The following POU2AF1 variants were observed in gnomAD, a reference collection of about 807,000 sequenced individuals.
The protein encoded by POU2AF1 is POU class 2 homeobox associating factor 1, also known as POU domain class 2-associating factor 1.
A neutral mutation model predicts 26.3 loss-of-function variants in POU2AF1; 12 were observed. The ratio of observed to expected loss-of-function variants is 0.46; its 90% CI spans 0.29 to 0.74. The LOEUF is 0.74. Ranked by LOEUF, POU2AF1 falls within the 30% of genes least tolerant of loss-of-function variation. The probability of loss-of-function intolerance (pLI) is 0.09; values close to 1 mark genes in which losing one functional copy is unlikely to be tolerated. For missense variants in POU2AF1, 297 were observed against 334.5 expected (o/e 0.89, Z 0.87); for synonymous variants, 175 against 148.0 (o/e 1.18, Z -1.32).
chr11:111,379,128 G>A lies in POU2AF1; in HGVS notation c.16+34C>T, dbSNP rs1435490815. 6 of 1,613,558 alleles carry A rather than the reference G, an allele frequency of 3.7e-6. No individual in the cohort carries two copies. The East Asian group carries it at 8.9e-5, about 24-fold the overall frequency. On this transcript the variant is annotated intron_variant, in intron 1 of 4. Transcript: ENST00000393067. ...TGATCGCCCTGCCCCGCTGGCACTC[G>A]CTTGGGTCTGACAGCCACAGCCAAA...
chr11:111,374,367 T>C (rs1405840145), intron 1 of POU2AF1, among the ~76,000 whole-genome samples: 1 of 152,206 alleles, frequency 6.6e-6, no homozygotes, highest in African/African-American at 2.4e-5. Flanking sequence ...TGAATTTGTG[T>C]CTCTCTTTTG....
At chr11:111,372,396 C>T (rs1237642021) in intron 1 of POU2AF1, among the ~76,000 whole-genome samples, 1 of 121,808 alleles carries the variant, frequency 8.2e-6, no homozygotes, top group African/African-American at 2.9e-5. Context: ...ATGGTATGAA[C>T]TACCATCTGC....
chr11:111,358,228 C>A (rs115441253), intron 2 of POU2AF1, among the ~76,000 whole-genome samples: 126 of 151,878 alleles, frequency 8.3e-4, no homozygotes, highest in Non-Finnish European at 1.5e-3. Context: ...GGGACCTGCG[C>A]TCCTTCCTGC....
intron 1 of POU2AF1, among the ~76,000 whole-genome samples, chr11:111,370,329 T>C (rs4405350): frequency 0.99 from 150,720 of 152,294 alleles, 74,606 homozygotes; most frequent in East Asian, 1. Context: ...GGAATTTACC[T>C]CCTCTTTATT....
intron 1 of POU2AF1, among the ~76,000 whole-genome samples, 167 bp from the exon 2 acceptor site, chr11:111,359,085 C>A (rs571474183): frequency 1.3e-5 from 2 of 152,330 alleles, no homozygotes; most frequent in African/African-American, 4.8e-5. Flanking sequence ...TCCTCCTACT[C>A]CCAAACCTTC....
At chr11:111,357,885 C>T (rs1289890324) in intron 2 of POU2AF1, 48 bp from the exon 3 acceptor site, 1 of 1,545,586 alleles carries the variant, frequency 6.5e-7, no homozygotes, top group Non-Finnish European at 8.7e-7. Flanking sequence ...CCCTCGTCAA[C>T]CGGCCCTGTG....
intron 1 of POU2AF1, among the ~76,000 whole-genome samples, chr11:111,367,100 G>A (rs1355071139): frequency 6.6e-6 from 1 of 152,140 alleles, no homozygotes; most frequent in Non-Finnish European, 1.5e-5. Context: ...TTTCCACGTG[G>A]CAGTGGCCCT....
At position 111,358,811 on chromosome 11, in the gene POU2AF1, C is replaced by A. The variant is rs1332633100; in HGVS notation, c.124G>T (p.Gly42Trp). 2.6e-5 allele frequency: 41 copies of A among 1,603,590 alleles called. No individual in the cohort carries two copies. The highest frequency in any genetic ancestry group is 5.3e-5 in the African/African-American group (4 of 74,796). ...LRRKRGHASSGAAPAPTAVVL... is the reference protein window; with the variant it reads ...LRRKRGHASSWAAPAPTAVVL... ...ACCGCCGTAGGTGCAGGTGCTGCCC[C>A]ACTGCTGGCGTGGCCTCGCTTCCTC... Residue 42 changes from glycine (G) to tryptophan (W), a missense_variant, in exon 2 of 5, where the codon GGG (glycine) becomes TGG (tryptophan). Physicochemically the swap from Gly to Trp is radical, Grantham distance 184. Transcript: ENST00000393067.
chr11:111,366,952 GACCACC>G (rs1861116952), intron 1 of POU2AF1, among the ~76,000 whole-genome samples: 1 of 152,106 alleles, frequency 6.6e-6, no homozygotes, highest in Non-Finnish European at 1.5e-5. Flanking sequence ...ACCCACAGAA[GACCACC>G]CTTCTCCACC....
At chr11:111,376,765 C>T (rs778445357) in intron 1 of POU2AF1, among the ~76,000 whole-genome samples, 4 of 152,148 alleles carry the variant, frequency 2.6e-5, no homozygotes, top group Non-Finnish European at 4.4e-5. Flanking sequence ...GCCCTTCCAT[C>T]GGGTGACTCT....
chr11:111,367,117 C>T (rs1473242169), intron 1 of POU2AF1, among the ~76,000 whole-genome samples: 2 of 152,176 alleles, frequency 1.3e-5, no homozygotes, highest in African/African-American at 2.4e-5. Flanking sequence ...CCCTCTAACC[C>T]TTCCCTCACA....
At chr11:111,363,564 G>A (rs760965931) in intron 1 of POU2AF1, 47 of 789,916 alleles carry the variant, frequency 6.0e-5, no homozygotes, top group Admixed American at 1.2e-4. Context: ...AATCACGGTT[G>A]CCTCACCTTG....
intron 1 of POU2AF1, among the ~76,000 whole-genome samples, chr11:111,371,653 A>C (rs942853875): frequency 1.4e-4 from 21 of 152,206 alleles, no homozygotes; most frequent in Non-Finnish European, 3.1e-4. Flanking sequence ...ATTGTAATCT[A>C]AAATTAGCCG....
At position 111,353,597 on chromosome 11, in the gene POU2AF1, A is replaced by C. The variant is rs1482547516; in HGVS notation, c.*664T>G. ...AACTGTGGGAACTGACAGCTCAAGGACTCTGGCATCAGGGTAGGCCCTTGG... is the reference window on the plus strand; with the variant it reads ...AACTGTGGGAACTGACAGCTCAAGGCCTCTGGCATCAGGGTAGGCCCTTGG... On this transcript the variant is annotated 3_prime_UTR_variant, in exon 5 of 5. Transcript: ENST00000393067. 1 of 233,268 alleles carries C rather than the reference A, an allele frequency of 4.3e-6. No individual in the cohort carries two copies. The highest frequency in any genetic ancestry group is 8.5e-6 in the Non-Finnish European group (1 of 118,254). 14.4% of individuals were successfully genotyped at this position (233,268 alleles called of 1,614,324 possible).
rs1860760579 is a variant in POU2AF1 at position 111,352,993 on chromosome 11, A to AGAG, written c.*1267_*1268insCTC. 1.4e-5 allele frequency: 1 copy of AGAG among 71,054 alleles called. No individual in the cohort carries two copies. Among genetic ancestry groups the AGAG allele is most frequent in the East Asian group, 1.8e-4 (1 of 5,500 alleles). 4.4% of individuals were successfully genotyped at this position (71,054 alleles called of 1,614,324 possible). On this transcript the variant is annotated 3_prime_UTR_variant, in exon 5 of 5. Coordinates refer to ENST00000393067, the MANE Select transcript of POU2AF1 (RefSeq NM_006235.3). ...AGGAAGGAAGGAAGGAAGGAAGGAA[A>AGAG]GAAGGAAGGAAGGAAGGAAGGAAGG...
At chr11:111,362,746 T>C (rs1021279638) in intron 1 of POU2AF1, among the ~76,000 whole-genome samples, 2 of 150,334 alleles carry the variant, frequency 1.3e-5, no homozygotes, top group Admixed American at 6.7e-5. Flanking sequence ...CAAGAGAAAT[T>C]TGGGAAATGG....
intron 1 of POU2AF1, among the ~76,000 whole-genome samples, chr11:111,370,069 G>T (rs1247615195): frequency 6.6e-6 from 1 of 152,168 alleles, no homozygotes; most frequent in Non-Finnish European, 1.5e-5. Context: ...TTTGTATTTG[G>T]GGTCAGACCC....
chr11:111,355,059 C>T (rs1308257521), intron 4 of POU2AF1, among the ~76,000 whole-genome samples: 2 of 152,218 alleles, frequency 1.3e-5, no homozygotes. Context: ...ACAGTCCGGG[C>T]TCCACACAAC....
At chr11:111,354,712 C>T (rs1860809637) in intron 4 of POU2AF1, 137 bp from the exon 5 acceptor site, 1 of 781,338 alleles carries the variant, frequency 1.3e-6, no homozygotes, top group Non-Finnish European at 1.9e-6. Flanking sequence ...GCTCCACCTC[C>T]TCCTGCTCAA....
Sources: allele counts gnomAD v4.1 joint callset (sites outside exome capture counted in the v4.1 genomes callset), GRCh38; gene constraint gnomAD v4.1.1; transcripts MANE v1.5; gene names NCBI Gene and HGNC (gene_info 2026-07-23, HGNC 2026-07-21).